ZFAND4: variants seen among roughly 807,000 people sequenced by gnomAD.
ZFAND4 encodes zinc finger AN1-type containing 4.
ZFAND4 carries 43 observed loss-of-function variants against 64.4 expected under a neutral mutation model. The observed-to-expected ratio is 0.67, with a 90% confidence interval of 0.52 to 0.86. ZFAND4 has a LOEUF of 0.86. Among genes scored for constraint, ZFAND4 ranks in the 40% least tolerant of loss-of-function variants. The pLI is 0.00. For synonymous variants in ZFAND4, 296 were observed against 305.7 expected, an observed-to-expected ratio of 0.97 and a Z score of 0.33; for missense variants, 929 against 859.8, an observed-to-expected ratio of 1.08 and a Z score of -1.01.
chr10:45,616,097 C>G lies in ZFAND4; in HGVS notation c.*339G>C, dbSNP rs2044923619. On this transcript the variant is annotated 3_prime_UTR_variant, in exon 10 of 10. Coordinates refer to ENST00000344646, the MANE Select transcript of ZFAND4 (RefSeq NM_174890.4). ...CTGCTCATTCTGTACAATGTGGAAGCCTGGTTATTTAGGAAATATTTCGTT... is the reference window on the plus strand; with the variant it reads ...CTGCTCATTCTGTACAATGTGGAAGGCTGGTTATTTAGGAAATATTTCGTT... 1.7e-5 allele frequency: 4 copies of G among 233,000 alleles called. No individual in the cohort carries two copies. The highest frequency in any genetic ancestry group is 3.4e-5 in the Non-Finnish European group (4 of 118,634). The allele number at this position is 233,000 out of a possible 1,614,324, so 14.4% of individuals were successfully genotyped here. A position where few individuals can be genotyped will look rare whatever the true frequency, so the allele number is the denominator to read the frequency against.
chr10:45,660,320 A>AAAAT (rs990029675), intron 2 of ZFAND4, among the ~76,000 whole-genome samples: 5 of 151,974 alleles, frequency 3.3e-5, no homozygotes, highest in Non-Finnish European at 7.4e-5. Context: ...ATCCCATCTC[A>AAAAT]AAATAAATAA....
chr10:45,631,319 A>T (rs76721209), intron 6 of ZFAND4, among the ~76,000 whole-genome samples: 1 of 89,798 alleles, frequency 1.1e-5, no homozygotes, highest in Non-Finnish European at 2.8e-5. Flanking sequence ...TCCGCCCCCC[A>T]AAAAAAAAAA....
intron 5 of ZFAND4, among the ~76,000 whole-genome samples, chr10:45,642,380 G>A (rs1438325984): frequency 6.6e-6 from 1 of 151,998 alleles, no homozygotes; most frequent in African/African-American, 2.4e-5. Flanking sequence ...GGCCGAGGCG[G>A]GTGGATCACG....
At chr10:45,640,423 T>TA (rs35229531) in intron 5 of ZFAND4, 86,556 of 911,634 alleles carry the variant, frequency 0.095, 212 homozygotes, top group Admixed American at 0.12. Context: ...AGATTCTCAC[T>TA]AAAAAAAAAA....
At chr10:45,650,069 C>T (rs887614032) in intron 4 of ZFAND4, 1 of 152,180 alleles carries the variant, frequency 6.6e-6, no homozygotes, top group African/African-American at 2.4e-5. Flanking sequence ...TCTTTCTATG[C>T]TGCTTTGATA....
At chr10:45,641,874 A>G (rs2047023059) in intron 5 of ZFAND4, among the ~76,000 whole-genome samples, 1 of 152,206 alleles carries the variant, frequency 6.6e-6, no homozygotes, top group Admixed American at 6.5e-5. Context: ...AGAAAGCTAT[A>G]GACAGCAGAC....
intron 5 of ZFAND4, among the ~76,000 whole-genome samples, chr10:45,640,742 G>T (rs368464292): frequency 6.6e-6 from 1 of 152,024 alleles, no homozygotes; most frequent in East Asian, 1.9e-4. Context: ...CGCCTACCTC[G>T]GCCTCCCAAA....
At chr10:45,624,432 T>C in intron 8 of ZFAND4, 151 bp downstream of exon 8, 1 of 628,028 alleles carries the variant, frequency 1.6e-6, no homozygotes, top group Non-Finnish European at 2.7e-6. Flanking sequence ...GTTCTCATAA[T>C]TATTCTTAAT....
At chr10:45,666,665 C>A (rs971306180) in intron 1 of ZFAND4, among the ~76,000 whole-genome samples, 2 of 152,146 alleles carry the variant, frequency 1.3e-5, no homozygotes, top group African/African-American at 4.8e-5. Context: ...TTTAGGTGTA[C>A]TGTCCAATTT....
chr10:45,642,534 G>A (rs2047079262), intron 5 of ZFAND4, among the ~76,000 whole-genome samples: 1 of 148,728 alleles, frequency 6.7e-6, no homozygotes. Flanking sequence ...GTGAACCCGG[G>A]AGGCAGAGCT....
At chr10:45,644,293 A>T (rs932781306) in intron 5 of ZFAND4, among the ~76,000 whole-genome samples, 1 of 152,240 alleles carries the variant, frequency 6.6e-6, no homozygotes, top group Non-Finnish European at 1.5e-5. Context: ...TAGCAATTAG[A>T]TAGCAAAGCA....
chr10:45,641,138 C>T (rs556281853), intron 5 of ZFAND4, among the ~76,000 whole-genome samples: 1 of 152,162 alleles, frequency 6.6e-6, no homozygotes, highest in Non-Finnish European at 1.5e-5. Flanking sequence ...CCAGGCACAG[C>T]GCTTGGCACA....
At chr10:45,621,056 A>G (rs2045386489) in intron 8 of ZFAND4, 1 of 152,242 alleles carries the variant, frequency 6.6e-6, no homozygotes, top group Non-Finnish European at 1.5e-5. Context: ...CTAACATCTA[A>G]CAGGATCTAC....
chr10:45,661,015 C>T (rs964786086), intron 2 of ZFAND4, among the ~76,000 whole-genome samples: 1 of 152,132 alleles, frequency 6.6e-6, no homozygotes, highest in Non-Finnish European at 1.5e-5. Flanking sequence ...TGTTAAAAGA[C>T]ATTCTTCACA....
intron 1 of ZFAND4, among the ~76,000 whole-genome samples, chr10:45,668,399 G>C (rs186101742): frequency 2.0e-5 from 3 of 152,298 alleles, no homozygotes; most frequent in East Asian, 3.9e-4. Context: ...ACATGGAAAG[G>C]AACAACCGGT....
At chr10:45,671,766 G>A (rs113629097) in intron 1 of ZFAND4, among the ~76,000 whole-genome samples, 3,759 of 151,356 alleles carry the variant, frequency 0.025, 158 homozygotes, top group African/African-American at 0.085. Context: ...AACCAACATG[G>A]CACATGTATA....
Position 45,639,971 on chromosome 10 carries a change from G to T in ZFAND4, c.570-8C>A. 1.3e-6 allele frequency: 2 copies of T among 1,596,304 alleles called. No individual in the cohort carries two copies. Among genetic ancestry groups the T allele is most frequent in the Non-Finnish European group, 1.7e-6 (2 of 1,175,594 alleles). ...TTATACATAGAACCACCACTGCAAA[G>T]AAAACAATAACTACTTGAAATTTTT... On this transcript the variant is annotated splice_polypyrimidine_tract_variant and splice_region_variant and intron_variant, in intron 5 of 9. Transcript: ENST00000344646.
At chr10:45,665,602 A>C (rs1212400484) in intron 1 of ZFAND4, among the ~76,000 whole-genome samples, 2 of 152,158 alleles carry the variant, frequency 1.3e-5, no homozygotes, top group Non-Finnish European at 2.9e-5. Flanking sequence ...TCACTCATTT[A>C]AAGCCTAAAA....
chr10:45,634,997 C>T (rs920186400), intron 6 of ZFAND4, among the ~76,000 whole-genome samples: 1 of 151,210 alleles, frequency 6.6e-6, no homozygotes, highest in Non-Finnish European at 1.5e-5. Context: ...TTGGACGACA[C>T]AAAAATATGA....
Sources: allele counts gnomAD v4.1 joint callset (sites outside exome capture counted in the v4.1 genomes callset), GRCh38; gene constraint gnomAD v4.1.1; transcripts MANE v1.5; gene names NCBI Gene and HGNC (gene_info 2026-07-23, HGNC 2026-07-21).